The following CNBD2 variants were observed in gnomAD, a reference collection of about 807,000 sequenced individuals.
CNBD2 encodes cyclic nucleotide-binding domain-containing protein 2.
In CNBD2, 64 loss-of-function variants were observed where a neutral mutation model predicts 63.7. That is an observed-to-expected ratio of 1.00 (90% CI 0.82 to 1.24). The LOEUF (loss-of-function observed/expected upper bound fraction) is 1.24. Ranked by LOEUF, CNBD2 falls within the 50% of genes most tolerant of loss-of-function variation. The probability of loss-of-function intolerance (pLI) is 0.00; values close to 1 mark genes in which losing one functional copy is unlikely to be tolerated. For synonymous variants in CNBD2, 229 were observed against 255.4 expected (o/e 0.90, Z 0.99); for missense variants, 691 against 713.5 (o/e 0.97, Z 0.36).
upstream of CNBD2, among the ~76,000 whole-genome samples, chr20:35,964,119 T>G (rs890172520): frequency 6.6e-6 from 1 of 152,138 alleles, no homozygotes; most frequent in Non-Finnish European, 1.5e-5. Flanking sequence ...CTCCTGAGCA[T>G]CTCACGTTTT....
chr20:35,976,990 C>T (rs1273458676), intron 3 of CNBD2, among the ~76,000 whole-genome samples: 1 of 152,150 alleles, frequency 6.6e-6, no homozygotes, highest in Non-Finnish European at 1.5e-5. Context: ...ATTTTTCGTG[C>T]CCCCTCGTGT....
intron 8 of CNBD2, 102 bp from the exon 9 acceptor site, chr20:36,008,195 G>A: frequency 1.1e-6 from 1 of 950,456 alleles, no homozygotes; most frequent in South Asian, 1.7e-5. Flanking sequence ...CCATGTGCTA[G>A]ACCATCCAGG....
At chr20:35,991,890 T>A (rs576072254) in intron 7 of CNBD2, among the ~76,000 whole-genome samples, 12 of 152,208 alleles carry the variant, frequency 7.9e-5, no homozygotes, top group South Asian at 4.2e-4. Flanking sequence ...CTTTTATTTT[T>A]TTTTTTTGAG....
intron 11 of CNBD2, among the ~76,000 whole-genome samples, chr20:36,029,166 T>TA (rs145473644): frequency 7.3e-5 from 11 of 151,564 alleles, no homozygotes; most frequent in Non-Finnish European, 1.0e-4. Context: ...GAATCTAGGT[T>TA]AAAAAAAAAT....
chr20:35,987,677 G>C (rs2056688036), intron 7 of CNBD2, 144 bp downstream of exon 7: 1 of 883,722 alleles, frequency 1.1e-6, no homozygotes, highest in African/African-American at 1.7e-5. Context: ...TGTCCCAGCT[G>C]TAAGAGGCCT....
chr20:35,986,657 T>C (rs1439882841), intron 6 of CNBD2, among the ~76,000 whole-genome samples: 1 of 152,214 alleles, frequency 6.6e-6, no homozygotes, highest in African/African-American at 2.4e-5. Context: ...AGTGCGCGCA[T>C]TGAGGCCTGA....
Position 35,984,788 on chromosome 20 carries a change from C to T in CNBD2, c.716+10C>T. ...GGTTTGAATTTTTTAGGTAACTCTG[C>T]CTTCATTCAACATTTTTTTCCCCTT... On this transcript the variant is annotated intron_variant, in intron 6 of 11. Transcript: ENST00000373973. 6.2e-7 allele frequency: 1 copy of T among 1,613,716 alleles called. No homozygotes were observed. The highest frequency in any genetic ancestry group is 8.5e-7 in the Non-Finnish European group (1 of 1,179,708).
At position 35,976,011 on chromosome 20, in the gene CNBD2, A is replaced by G. The variant is rs76180269; in HGVS notation, c.243+9A>G. 6.4e-3 allele frequency: 10,271 copies of G among 1,601,902 alleles called. 599 individuals are homozygous for G. The African/African-American group carries it at 0.12, about 19-fold the overall frequency. ...ACTTCATTGCAGAGGAGGTATGCAT[A>G]GCTCGAAACTTGCTGTGGGGGAATT... On this transcript the variant is annotated intron_variant, in intron 3 of 11. Coordinates refer to ENST00000373973, the MANE Select transcript of CNBD2 (RefSeq NM_001365709.1).
chr20:36,020,313 C>A (rs538003791), intron 10 of CNBD2, among the ~76,000 whole-genome samples: 15 of 152,230 alleles, frequency 9.9e-5, no homozygotes, highest in African/African-American at 3.4e-4. Flanking sequence ...GATCTCCTGA[C>A]CTCGTGATCT....
At chr20:36,028,408 A>C (rs1417397060) in intron 11 of CNBD2, among the ~76,000 whole-genome samples, 1 of 152,120 alleles carries the variant, frequency 6.6e-6, no homozygotes, top group African/African-American at 2.4e-5. Flanking sequence ...TCCATTATCT[A>C]GCTCAAATCC....
chr20:35,958,761 A>G (rs2056282234), downstream of CNBD2: 1 of 152,174 alleles, frequency 6.6e-6, no homozygotes, highest in Admixed American at 6.6e-5. Context: ...ATCTCTTTAT[A>G]ATTGCATCCA....
At chr20:36,024,738 G>A (rs1336581498) in intron 11 of CNBD2, among the ~76,000 whole-genome samples, 1 of 152,108 alleles carries the variant, frequency 6.6e-6, no homozygotes, top group African/African-American at 2.4e-5. Context: ...AGACCAGCTG[G>A]CCAACATGGT....
chr20:36,002,374 G>A (rs988916316), intron 8 of CNBD2, among the ~76,000 whole-genome samples: 2 of 152,242 alleles, frequency 1.3e-5, no homozygotes, highest in Non-Finnish European at 2.9e-5. Flanking sequence ...CTGGGCAGCA[G>A]AGGGAAACCG....
chr20:35,987,963 G>A (rs2056691588), intron 7 of CNBD2, among the ~76,000 whole-genome samples: 1 of 152,100 alleles, frequency 6.6e-6, no homozygotes, highest in African/African-American at 2.4e-5. Context: ...TCTGCCTCCT[G>A]GGTTTCAGCA....
Position 35,995,325 on chromosome 20 carries a change from C to CTTT in CNBD2, c.970+181_970+183dup, listed in dbSNP as rs141687376. Among the ~76,000 whole-genome samples the CTTT allele has an allele frequency of 6.2e-3, 927 of 148,414 alleles. 7 individuals are homozygous for CTTT. The highest frequency in any genetic ancestry group is 0.022 in the African/African-American group (878 of 40,688). On this transcript the variant is annotated intron_variant, in intron 8 of 11. Transcript: ENST00000373973. Reference sequence around the variant, plus strand: ...GCAAGGCCCTGCCCTCCTTTCCAGCCTTTTTTTTTTATTGAGCCTTTTCCC... The same window carrying CTTT: ...GCAAGGCCCTGCCCTCCTTTCCAGCCTTTTTTTTTTTTTATTGAGCCTTTTCCC...
chr20:36,010,852 G>T (rs945208816), intron 9 of CNBD2, among the ~76,000 whole-genome samples: 1 of 152,202 alleles, frequency 6.6e-6, no homozygotes, highest in African/African-American at 2.4e-5. Flanking sequence ...ATTAGGCCTG[G>T]CTTGGCTGCA....
chr20:35,965,483 T>G (rs368495399), upstream of CNBD2, among the ~76,000 whole-genome samples: 50 of 152,318 alleles, frequency 3.3e-4, no homozygotes, highest in African/African-American at 1.1e-3. Flanking sequence ...TGGCCGAATC[T>G]TCTCATAAAT....
At chr20:35,963,370 A>G (rs577152966) in intron 2 of CNBD2, among the ~76,000 whole-genome samples, 1 of 151,230 alleles carries the variant, frequency 6.6e-6, no homozygotes, top group East Asian at 1.9e-4. Flanking sequence ...AGGAAATAAA[A>G]TCAGAAAATT....
At chr20:36,029,383 G>T (rs1177186966) in intron 11 of CNBD2, among the ~76,000 whole-genome samples, 1 of 152,152 alleles carries the variant, frequency 6.6e-6, no homozygotes, top group Non-Finnish European at 1.5e-5. Context: ...AGAGTTAATG[G>T]AACTTTTTAA....
Sources: gnomAD v4.1 joint callset for allele counts (sites outside exome capture counted in the v4.1 genomes callset) on GRCh38, gnomAD v4.1.1 for gene constraint, MANE v1.5 for transcripts, NCBI Gene and HGNC (gene_info 2026-07-23, HGNC 2026-07-21) for gene names.